Variants in ALG5 observed in about 807,000 individuals in gnomAD.
ALG5 encodes the protein dolichyl-phosphate beta-glucosyltransferase.
Under a neutral mutation model 51.8 loss-of-function variants are expected in ALG5, and 26 were observed. The observed-to-expected ratio is 0.50, with a 90% CI of 0.37 to 0.70. ALG5 has a LOEUF of 0.70. ALG5 is among the 30% of genes least tolerant of loss of function. The probability of loss-of-function intolerance (pLI) is 0.00; values close to 1 mark genes in which losing one functional copy is unlikely to be tolerated. For missense variants in ALG5, 311 were observed against 399.3 expected, an observed-to-expected ratio of 0.78 and a Z score of 1.88; for synonymous variants, 141 against 136.1, an observed-to-expected ratio of 1.04 and a Z score of -0.25.
intron 6 of ALG5, among the ~76,000 whole-genome samples, chr13:36,983,763 TA>T (rs558505138): frequency 6.6e-6 from 1 of 151,622 alleles, no homozygotes; most frequent in Non-Finnish European, 1.5e-5. Context: ...CTTAGAATCT[TA>T]AAAAAACAAA....
chr13:36,964,037 TA>T (rs2058880557), intron 8 of ALG5, among the ~76,000 whole-genome samples: 1 of 152,154 alleles, frequency 6.6e-6, no homozygotes, highest in African/African-American at 2.4e-5. Flanking sequence ...AAAGAAACAT[TA>T]AGTAATTACA....
intron 6 of ALG5, among the ~76,000 whole-genome samples, chr13:36,985,006 G>A (rs1035681073): frequency 1.3e-5 from 2 of 152,008 alleles, no homozygotes; most frequent in South Asian, 4.2e-4. Context: ...TTGTGTGATG[G>A]TAGGTATATT....
At chr13:36,993,234 G>C (rs1268391651) in intron 4 of ALG5, among the ~76,000 whole-genome samples, 1 of 152,178 alleles carries the variant, frequency 6.6e-6, no homozygotes, top group Non-Finnish European at 1.5e-5. Context: ...TGCTTCCCAG[G>C]GGCTGGTACG....
At chr13:36,993,719 A>G (rs986067199) in intron 3 of ALG5, 47 bp from the exon 4 acceptor site, 2 of 1,462,140 alleles carry the variant, frequency 1.4e-6, no homozygotes, top group Admixed American at 1.7e-5. Context: ...TAACTGCCAT[A>G]AAGTATTCTA....
At chr13:36,991,822 C>A (rs778516201) in intron 4 of ALG5, among the ~76,000 whole-genome samples, 5 of 152,194 alleles carry the variant, frequency 3.3e-5, no homozygotes, top group Non-Finnish European at 5.9e-5. Context: ...TTCAGTCGTG[C>A]GATCACAGCT....
At chr13:36,993,490 G>T in intron 4 of ALG5, 114 bp downstream of exon 4, 1 of 826,448 alleles carries the variant, frequency 1.2e-6, no homozygotes, top group Middle Eastern at 2.3e-4. Context: ...TATAACAATG[G>T]AGAGTGTTAG....
chr13:36,969,520 A>T (rs537410653), intron 7 of ALG5, among the ~76,000 whole-genome samples: 10 of 151,472 alleles, frequency 6.6e-5, no homozygotes, highest in East Asian at 1.9e-4. Flanking sequence ...ATTTTTATTT[A>T]TTTTATTTAT....
chr13:36,998,921 G>T lies in ALG5; in HGVS notation c.66+314C>A, dbSNP rs145005903. On this transcript the variant is annotated intron_variant, in intron 1 of 9. Coordinates refer to ENST00000239891, the MANE Select transcript of ALG5 (RefSeq NM_013338.5). ...CTGGGAGAGGTCGAGGTTGACAGAG[G>T]AGGTGGGTAGGGGGCGCGGGCGCCA... The T allele has an allele frequency of 1.2e-3, 346 of 285,854 alleles. 2 individuals are homozygous for T. The highest frequency in any genetic ancestry group is 7.3e-3 in the South Asian group (71 of 9,740). The allele number at this position is 285,854 out of a possible 1,614,324, so 17.7% of individuals were successfully genotyped here. A position where few individuals can be genotyped will look rare whatever the true frequency, so the allele number is the denominator to read the frequency against.
intron 7 of ALG5, 97 bp from the exon 8 acceptor site, chr13:36,965,823 TTGAC>T: frequency 9.8e-7 from 1 of 1,023,484 alleles, no homozygotes; most frequent in East Asian, 2.6e-5. Context: ...TAATATTTAA[TTGAC>T]TGGTAGATCT....
chr13:36,964,126 G>A (rs1240351002), intron 8 of ALG5, among the ~76,000 whole-genome samples: 1 of 152,134 alleles, frequency 6.6e-6, no homozygotes, highest in African/African-American at 2.4e-5. Flanking sequence ...ATAATTAGGG[G>A]CACCCGAGCT....
intron 6 of ALG5, among the ~76,000 whole-genome samples, chr13:36,978,045 C>T (rs144601792): frequency 0.019 from 2,897 of 151,354 alleles, 91 homozygotes; most frequent in African/African-American, 0.066. Context: ...TGGCACCATG[C>T]CCGGCTAATT....
chr13:36,990,987 A>C (rs950616416), intron 4 of ALG5, among the ~76,000 whole-genome samples: 6 of 152,240 alleles, frequency 3.9e-5, no homozygotes, highest in African/African-American at 1.4e-4. Flanking sequence ...ATCAGTTCAC[A>C]TAAGCCCTGT....
intron 5 of ALG5, among the ~76,000 whole-genome samples, chr13:36,988,558 T>G (rs2138822977): frequency 6.6e-6 from 1 of 152,336 alleles, no homozygotes; most frequent in South Asian, 2.1e-4. Context: ...TGCATCCAAA[T>G]CTTGACTCTA....
intron 7 of ALG5, chr13:36,967,946 C>T (rs1441706107): frequency 9.0e-6 from 4 of 442,042 alleles, no homozygotes; most frequent in Middle Eastern, 8.3e-4. Context: ...TAAAACTATT[C>T]ATGACTGCTC....
chr13:36,970,483 C>G (rs1048864091), intron 7 of ALG5, among the ~76,000 whole-genome samples: 2 of 152,140 alleles, frequency 1.3e-5, no homozygotes, highest in South Asian at 2.1e-4. Flanking sequence ...GCCTGTAATC[C>G]CAGCTACTCG....
intron 7 of ALG5, among the ~76,000 whole-genome samples, chr13:36,970,339 C>T (rs556136123): frequency 5.1e-4 from 77 of 152,218 alleles, no homozygotes; most frequent in African/African-American, 1.3e-3. Flanking sequence ...AGAGGCCAGG[C>T]GTGGTGGCTG....
At chr13:36,956,949 A>C (rs762723024) in intron 8 of ALG5, among the ~76,000 whole-genome samples, 2 of 152,164 alleles carry the variant, frequency 1.3e-5, no homozygotes, top group Non-Finnish European at 2.9e-5. Flanking sequence ...AAGCCCCAGT[A>C]CTAAGCAGAA....
intron 6 of ALG5, among the ~76,000 whole-genome samples, chr13:36,978,935 A>G (rs529278442): frequency 8.9e-5 from 13 of 145,288 alleles, no homozygotes; most frequent in African/African-American, 2.3e-4. Context: ...AAAAAAAAGG[A>G]AAAAAAAAGA....
rs781401472 is a variant in ALG5, at chr13:36,965,688, G to T, written c.660C>A (p.His220Gln). The T allele has an allele frequency of 6.2e-7, 1 of 1,614,032 alleles. No homozygotes were observed. The highest frequency in any genetic ancestry group is 1.7e-5 in the Admixed American group (1 of 60,010). The change falls in exon 8 of 10, where the codon CAC becomes CAA. Residue 220 changes from histidine to glutamine, a missense_variant. Coordinates refer to ENST00000239891, the MANE Select transcript of ALG5 (RefSeq NM_013338.5). ...YFRTLLMYGF[H>Q]FLVWFLCVKG... ...TGACACAAAGGAACCACACCAGAAA[G>T]TGGAACCCATACATGAGAAGAGTAC...
Sources: allele counts gnomAD v4.1 joint callset (sites outside exome capture counted in the v4.1 genomes callset), GRCh38; gene constraint gnomAD v4.1.1; transcripts MANE v1.5; gene names NCBI Gene and HGNC (gene_info 2026-07-23, HGNC 2026-07-21).